TBC1D32: variants seen among roughly 807,000 people sequenced by gnomAD.
TBC1D32 encodes the protein protein broad-minded.
A neutral mutation model predicts 170.3 loss-of-function variants in TBC1D32; 151 were observed. That is an observed-to-expected ratio of 0.89 (90% confidence interval 0.78 to 1.01). The LOEUF (loss-of-function observed/expected upper bound fraction) is 1.01, where lower values mean the gene tolerates loss of function less well. Ranked by LOEUF, TBC1D32 falls within the 50% of genes least tolerant of loss-of-function variation. The probability of loss-of-function intolerance (pLI) is 0.00; values close to 1 mark genes in which losing one functional copy is unlikely to be tolerated. For synonymous variants in TBC1D32, 498 were observed against 488.0 expected (o/e 1.02, Z -0.27); for missense variants, 1,464 against 1,457.1 (o/e 1.00, Z -0.08).
intron 1 of TBC1D32, among the ~76,000 whole-genome samples, chr6:121,322,913 T>C (rs1809942066): frequency 1.3e-5 from 2 of 152,176 alleles, no homozygotes; most frequent in African/African-American, 4.8e-5. Context: ...AAATTTCTGA[T>C]GACATTATGC....
chr6:121,284,687 T>C (rs1254903070), intron 12 of TBC1D32, among the ~76,000 whole-genome samples: 1 of 152,124 alleles, frequency 6.6e-6, no homozygotes, highest in Non-Finnish European at 1.5e-5. Flanking sequence ...TATAGTAGAA[T>C]AAACCACTAC....
chr6:121,126,453 C>A lies in TBC1D32; in HGVS notation c.2908G>T (p.Glu970Ter). The A allele has an allele frequency of 6.2e-7, 1 of 1,609,240 alleles. No homozygotes were observed. The highest frequency in any genetic ancestry group is 8.5e-7 in the Non-Finnish European group (1 of 1,176,892). The stretch of plus-strand genomic sequence containing the variant: ...TGAAGCACAAATTTTTCAAGTAATT[C>A]TATTAAGGCTGTAATAAACAAAGGA... ...PDIISGEALI[E>*]LLEKFVLHLT... The change falls in exon 26 of 32, where the codon GAA (glutamate) becomes TAA (stop). Residue 970 changes from glutamate (E) to a stop codon, truncating the protein, a stop_gained. Transcript: ENST00000398212. LOFTEE classifies it high-confidence loss of function.
intron 22 of TBC1D32, among the ~76,000 whole-genome samples, chr6:121,197,494 G>A (rs1790890466): frequency 6.6e-6 from 1 of 152,094 alleles, no homozygotes; most frequent in Non-Finnish European, 1.5e-5. Flanking sequence ...TTAAAAACAT[G>A]TTTGTGATTG....
intron 20 of TBC1D32, among the ~76,000 whole-genome samples, chr6:121,237,314 C>T (rs929524699): frequency 4.6e-5 from 7 of 151,824 alleles, no homozygotes; most frequent in Non-Finnish European, 8.8e-5. Flanking sequence ...TCAAAATTTT[C>T]TCTTTATCTT....
chr6:121,210,904 G>A (rs73768938), intron 21 of TBC1D32, among the ~76,000 whole-genome samples: 12,015 of 152,136 alleles, frequency 0.079, 790 homozygotes, highest in African/African-American at 0.17. Flanking sequence ...ACACCATACT[G>A]AACTTCTGAC....
At chr6:121,263,156 C>T (rs1038808473) in intron 15 of TBC1D32, among the ~76,000 whole-genome samples, 2 of 151,414 alleles carry the variant, frequency 1.3e-5, no homozygotes, top group African/African-American at 2.4e-5. Flanking sequence ...AGAGTCAAGA[C>T]GAATCAGTGT....
At position 121,239,124 on chromosome 6, in the gene TBC1D32, C is replaced by T; in HGVS notation, c.2310G>A (p.Arg770=). The change falls in exon 20 of 32, where the codon AGG becomes AGA. Residue 770 remains arginine, a synonymous_variant. Coordinates refer to ENST00000398212, the MANE Select transcript of TBC1D32 (RefSeq NM_152730.6). ...CTGGAGTAGTTCTGGGATGGGTTAC[C>T]CTAACATCATCTCTTCCATATTCCA... ...SNLEYGRDDV[R]VTHPRTTPVD... The T allele has an allele frequency of 1.2e-6, 2 of 1,604,964 alleles. No individual in the cohort carries two copies. The highest frequency in any genetic ancestry group is 1.7e-6 in the Non-Finnish European group (2 of 1,173,828).
At chr6:121,105,490 T>G (rs1390616477) in intron 30 of TBC1D32, among the ~76,000 whole-genome samples, 1 of 151,866 alleles carries the variant, frequency 6.6e-6, no homozygotes, top group Admixed American at 6.6e-5. Flanking sequence ...GAAGCAACAA[T>G]GCACACCTCC....
intron 21 of TBC1D32, among the ~76,000 whole-genome samples, chr6:121,207,169 G>A (rs1459533984): frequency 6.6e-6 from 1 of 152,084 alleles, no homozygotes; most frequent in African/African-American, 2.4e-5. Flanking sequence ...GAATTGATTA[G>A]GAATCATTAT....
At chr6:121,194,480 A>C (rs1403598932) in intron 22 of TBC1D32, among the ~76,000 whole-genome samples, 1 of 152,214 alleles carries the variant, frequency 6.6e-6, no homozygotes, top group Non-Finnish European at 1.5e-5. Flanking sequence ...CAACTCTCCC[A>C]TCTGGCCTGT....
intron 17 of TBC1D32, among the ~76,000 whole-genome samples, chr6:121,252,325 A>C (rs976750692): frequency 1.3e-5 from 2 of 152,222 alleles, no homozygotes; most frequent in Non-Finnish European, 2.9e-5. Context: ...AACTAATGCA[A>C]ATGCCCATTA....
At chr6:121,091,099 T>C in intron 30 of TBC1D32, 58 bp from the exon 31 acceptor site, 1 of 1,351,432 alleles carries the variant, frequency 7.4e-7, no homozygotes, top group African/African-American at 1.5e-5. Context: ...CATTTGACTT[T>C]TAAAAAACAT....
intron 5 of TBC1D32, among the ~76,000 whole-genome samples, chr6:121,305,090 G>A (rs912113108): frequency 3.9e-5 from 6 of 152,104 alleles, no homozygotes; most frequent in Admixed American, 6.5e-5. Flanking sequence ...CTGACATGGT[G>A]AGGAGGGGGT....
intron 24 of TBC1D32, among the ~76,000 whole-genome samples, chr6:121,144,727 G>C (rs1273748): frequency 0.18 from 27,870 of 151,980 alleles, 3,433 homozygotes; most frequent in African/African-American, 0.33. Context: ...ATAAATCTGA[G>C]AGCCATCAGC....
In TBC1D32 at chr6:121,241,463, AC is replaced by A; in HGVS notation, c.2245+1del. On this transcript the variant is annotated splice_donor_variant, in intron 19 of 31. Coordinates refer to ENST00000398212, the MANE Select transcript of TBC1D32 (RefSeq NM_152730.6). LOFTEE classifies it high-confidence loss of function. ...TAATTCTAATGAAAAGAAAACATTT[AC>A]CTGACTTTTTTAGTGCAATGCCACC... 1 of 1,610,920 alleles carries A rather than the reference AC, an allele frequency of 6.2e-7. No individual in the cohort carries two copies. The highest frequency in any genetic ancestry group is 8.5e-7 in the Non-Finnish European group (1 of 1,178,162).
intron 15 of TBC1D32, among the ~76,000 whole-genome samples, chr6:121,271,644 G>C (rs866451513): frequency 3.9e-4 from 60 of 152,194 alleles, no homozygotes; most frequent in African/African-American, 1.1e-3. Context: ...ACATTCCATG[G>C]TCATGGATAG....
intron 15 of TBC1D32, among the ~76,000 whole-genome samples, chr6:121,268,933 C>G (rs57097307): frequency 6.6e-6 from 1 of 152,148 alleles, no homozygotes. Flanking sequence ...ACTCTGCAAG[C>G]CAGAAGAGAG....
At chr6:121,103,560 AACATTACACTC>A (rs1214526610) in intron 30 of TBC1D32, among the ~76,000 whole-genome samples, 2 of 128,106 alleles carry the variant, frequency 1.6e-5, no homozygotes, top group Non-Finnish European at 3.2e-5. Context: ...CAGGAAGGGG[AACATTACACTC>A]TGGGGCCTGT....
At chr6:121,230,371 ATCACAGTTTGACATGCTAAAGGT>A (rs1440145663) in intron 20 of TBC1D32, among the ~76,000 whole-genome samples, 1 of 152,124 alleles carries the variant, frequency 6.6e-6, no homozygotes, top group Non-Finnish European at 1.5e-5. Flanking sequence ...TTTATAAATT[ATCACAGTTTGACATGCTAAAGGT>A]TATTGGTAAA....
Sources: allele counts gnomAD v4.1 joint callset (sites outside exome capture counted in the v4.1 genomes callset), GRCh38; gene constraint gnomAD v4.1.1; transcripts MANE v1.5; gene names NCBI Gene and HGNC (gene_info 2026-07-23, HGNC 2026-07-21).